Variants in CFAP54 observed in about 807,000 individuals in gnomAD.
CFAP54 encodes cilia- and flagella-associated protein 54.
Under a neutral mutation model 370.4 loss-of-function variants are expected in CFAP54, and 290 were observed. The observed-to-expected ratio is 0.78, with a 90% CI of 0.71 to 0.86. The LOEUF is 0.86. Among genes scored for constraint, CFAP54 ranks in the 40% least tolerant of loss-of-function variants. The probability of loss-of-function intolerance (pLI) is 0.00; values close to 1 mark genes in which losing one functional copy is unlikely to be tolerated. For missense variants in CFAP54, 3,399 were observed against 3,528.7 expected, an observed-to-expected ratio of 0.96 and a Z score of 0.93; for synonymous variants, 1,206 against 1,236.5, an observed-to-expected ratio of 0.98 and a Z score of 0.52.
intron 47 of CFAP54, among the ~76,000 whole-genome samples, chr12:96,705,013 C>G (rs1387844347): frequency 6.6e-6 from 1 of 151,992 alleles, no homozygotes; most frequent in Non-Finnish European, 1.5e-5. Context: ...GACTTAAGCA[C>G]TTGATGACCT....
At chr12:96,551,126 C>T (rs1955689086) in intron 15 of CFAP54, among the ~76,000 whole-genome samples, 1 of 152,038 alleles carries the variant, frequency 6.6e-6, no homozygotes, top group Non-Finnish European at 1.5e-5. Context: ...CAAAAATTAG[C>T]TGGGTGTGAT....
intron 64 of CFAP54, among the ~76,000 whole-genome samples, chr12:96,814,802 A>G (rs561640351): frequency 4.5e-4 from 69 of 152,180 alleles, no homozygotes; most frequent in Middle Eastern, 6.8e-3. Context: ...GAGAACATGC[A>G]GGGTTTGGTT....
intron 26 of CFAP54, among the ~76,000 whole-genome samples, chr12:96,619,827 T>C (rs815873): frequency 0.79 from 120,240 of 152,016 alleles, 47,736 homozygotes; most frequent in East Asian, 0.86. Context: ...AAAACTTTCT[T>C]CTGCTCATAT....
chr12:96,567,911 A>T (rs1955878326), intron 19 of CFAP54, among the ~76,000 whole-genome samples: 1 of 152,146 alleles, frequency 6.6e-6, no homozygotes, highest in Admixed American at 6.5e-5. Flanking sequence ...TTAAGGCTTA[A>T]TGATCAATCC....
At chr12:96,653,787 G>A (rs1956888342) in intron 36 of CFAP54, among the ~76,000 whole-genome samples, 1 of 151,304 alleles carries the variant, frequency 6.6e-6, no homozygotes, top group Admixed American at 6.6e-5. Context: ...AAATCAATTA[G>A]ATAAATATAA....
intron 65 of CFAP54, among the ~76,000 whole-genome samples, chr12:96,825,693 T>A (rs1310815459): frequency 1.6e-5 from 2 of 123,410 alleles, no homozygotes; most frequent in East Asian, 4.8e-4. Flanking sequence ...CATATCACGA[T>A]ATATATTATA....
intron 39 of CFAP54, 26 bp from the exon 40 acceptor site, chr12:96,679,574 A>G (rs1353863023): frequency 6.3e-7 from 1 of 1,599,010 alleles, no homozygotes; most frequent in Non-Finnish European, 8.5e-7. Flanking sequence ...TTTCATCCCC[A>G]ATATTCCGCT....
intron 26 of CFAP54, among the ~76,000 whole-genome samples, chr12:96,614,212 T>C (rs368074860): frequency 6.6e-6 from 1 of 152,070 alleles, no homozygotes; most frequent in African/African-American, 2.4e-5. Context: ...GTTCAACATA[T>C]GCAAATCAAT....
At chr12:96,673,096 T>G (rs1259631778) in intron 39 of CFAP54, among the ~76,000 whole-genome samples, 1 of 152,222 alleles carries the variant, frequency 6.6e-6, no homozygotes, top group Admixed American at 6.5e-5. Flanking sequence ...CAGGAATATT[T>G]GAATAGATAA....
chr12:96,639,639 T>C (rs868161538), intron 32 of CFAP54, among the ~76,000 whole-genome samples: 18 of 152,198 alleles, frequency 1.2e-4, no homozygotes, highest in Admixed American at 7.2e-4. Context: ...AGGAGAATTT[T>C]AGAGCAGTAT....
intron 67 of CFAP54, among the ~76,000 whole-genome samples, chr12:96,868,171 ATCACACTCAT>A (rs1443922240): frequency 1.3e-5 from 2 of 152,074 alleles, no homozygotes. Context: ...AGGTGCTCTT[ATCACACTCAT>A]TCTATTTTGC....
intron 60 of CFAP54, among the ~76,000 whole-genome samples, chr12:96,769,677 C>G (rs530001752): frequency 6.6e-6 from 1 of 152,304 alleles, no homozygotes; most frequent in South Asian, 2.1e-4. Context: ...CTTTTATAGA[C>G]AGTAGTGGCT....
At chr12:96,599,564 G>T (rs1406579126) in intron 26 of CFAP54, among the ~76,000 whole-genome samples, 1 of 152,134 alleles carries the variant, frequency 6.6e-6, no homozygotes, top group African/African-American at 2.4e-5. Flanking sequence ...TCTAGTTCTA[G>T]ATCCTTGAGG....
intron 39 of CFAP54, among the ~76,000 whole-genome samples, chr12:96,678,911 T>C (rs2136546196): frequency 6.6e-6 from 1 of 152,302 alleles, no homozygotes; most frequent in East Asian, 1.9e-4. Flanking sequence ...CTTGTTCAAC[T>C]TGTTGAAGAA....
rs550535950 is a variant in CFAP54, at chr12:96,519,716, T to C, written c.942+645T>C. 1.1e-4 allele frequency among the ~76,000 whole-genome samples: 16 copies of C among 152,240 alleles called. 1 individual carries two copies. The highest frequency in any genetic ancestry group is 2.1e-4 in the Non-Finnish European group (14 of 68,042). On this transcript the variant is annotated intron_variant, in intron 6 of 67. Coordinates refer to ENST00000524981, the MANE Select transcript of CFAP54 (RefSeq NM_001306084.2). ...GTACAATGTGATGTTTTGTTGAATGTATGCACTGTGGAATGATTAAGCTAA... is the reference window on the plus strand; with the variant it reads ...GTACAATGTGATGTTTTGTTGAATGCATGCACTGTGGAATGATTAAGCTAA...
chr12:96,616,377 G>C (rs1029401917), intron 26 of CFAP54, among the ~76,000 whole-genome samples: 3 of 151,958 alleles, frequency 2.0e-5, no homozygotes, highest in Non-Finnish European at 2.9e-5. Flanking sequence ...TGGTGGGAGG[G>C]GGGAGGGATA....
At chr12:96,849,376 A>T (rs1256826414) in intron 66 of CFAP54, among the ~76,000 whole-genome samples, 1 of 152,218 alleles carries the variant, frequency 6.6e-6, no homozygotes, top group Non-Finnish European at 1.5e-5. Context: ...AGGCATGCCT[A>T]ATTGATTAGT....
At chr12:96,634,136 ACCTCCGCCTCCCCGGTTCAAGT>A (rs1956639392) in intron 32 of CFAP54, among the ~76,000 whole-genome samples, 1 of 137,896 alleles carries the variant, frequency 7.3e-6, no homozygotes, top group African/African-American at 2.7e-5. Context: ...GCTCACTGCA[ACCTCCGCCTCCCCGGTTCAAGT>A]GATTCTCCTG....
intron 2 of CFAP54, chr12:96,501,243 G>A (rs574906588): frequency 3.2e-5 from 7 of 216,604 alleles, no homozygotes; most frequent in Non-Finnish European, 6.5e-5. Context: ...CTGAATCATC[G>A]TGTTCCTACC....
Sources: allele counts gnomAD v4.1 joint callset (sites outside exome capture counted in the v4.1 genomes callset), GRCh38; gene constraint gnomAD v4.1.1; transcripts MANE v1.5; gene names NCBI Gene and HGNC (gene_info 2026-07-23, HGNC 2026-07-21).